LARGE1: variants seen among roughly 807,000 people sequenced by gnomAD.
LARGE1 encodes LARGE xylosyl- and glucuronyltransferase 1, also known as xylosyl- and glucuronyltransferase LARGE1.
Under a neutral mutation model 87.6 loss-of-function variants are expected in LARGE1, and 43 were observed. That is an observed-to-expected ratio of 0.49 (90% confidence interval 0.38 to 0.63). LARGE1 has a LOEUF of 0.63. Among genes scored for constraint, LARGE1 ranks in the 30% least tolerant of loss-of-function variants. The pLI, the probability that LARGE1 is intolerant of heterozygous loss-of-function variation, is 0.00. For synonymous variants in LARGE1, 434 were observed against 394.6 expected, an observed-to-expected ratio of 1.10 and a Z score of -1.18; for missense variants, 802 against 1,000.2, an observed-to-expected ratio of 0.80 and a Z score of 2.67.
At chr22:33,797,875 C>G (rs1340841918) in intron 1 of LARGE1, among the ~76,000 whole-genome samples, 1 of 152,232 alleles carries the variant, frequency 6.6e-6, no homozygotes, top group Non-Finnish European at 1.5e-5. Context: ...CCTCGCCTCA[C>G]TCCCATGTGG....
intron 1 of LARGE1, among the ~76,000 whole-genome samples, chr22:33,807,604 T>C (rs973339367): frequency 6.6e-6 from 1 of 152,222 alleles, no homozygotes; most frequent in Admixed American, 6.5e-5. Flanking sequence ...AATATGTAAT[T>C]ACACATATCA....
At chr22:33,386,654 A>G (rs943693760) in intron 7 of LARGE1, among the ~76,000 whole-genome samples, 1 of 148,902 alleles carries the variant, frequency 6.7e-6, no homozygotes, top group Non-Finnish European at 1.5e-5. Flanking sequence ...CACAGTGGAA[A>G]TTGTTCGCCA....
chr22:33,297,044 G>C (rs772490708), intron 12 of LARGE1, among the ~76,000 whole-genome samples: 3 of 152,186 alleles, frequency 2.0e-5, no homozygotes, highest in Non-Finnish European at 4.4e-5. Flanking sequence ...AGATACAGCA[G>C]AGTTAAGACA....
chr22:33,188,450 C>T (rs1044104257), intron 11 of LARGE1, among the ~76,000 whole-genome samples: 1 of 152,110 alleles, frequency 6.6e-6, no homozygotes, highest in African/African-American at 2.4e-5. Flanking sequence ...GGGCCTGCTG[C>T]AAATGCTACT....
chr22:33,833,104 A>G (rs1459095588), intron 1 of LARGE1, among the ~76,000 whole-genome samples: 1 of 152,186 alleles, frequency 6.6e-6, no homozygotes, highest in Non-Finnish European at 1.5e-5. Flanking sequence ...CACCAAGCAG[A>G]TGATGTCTCA....
chr22:33,319,340 G>A (rs1281083940), intron 10 of LARGE1, among the ~76,000 whole-genome samples: 1 of 152,176 alleles, frequency 6.6e-6, no homozygotes, highest in Non-Finnish European at 1.5e-5. Flanking sequence ...GGGCAGAGCA[G>A]CTCCTCCCCA....
At chr22:33,364,087 C>T (rs955589142) in intron 9 of LARGE1, among the ~76,000 whole-genome samples, 2 of 150,360 alleles carry the variant, frequency 1.3e-5, no homozygotes, top group Non-Finnish European at 3.0e-5. Context: ...CGGAGTCTCG[C>T]TCTGTCGCCC....
intron 11 of LARGE1, among the ~76,000 whole-genome samples, chr22:33,171,627 T>C (rs1272813007): frequency 6.6e-6 from 1 of 152,214 alleles, no homozygotes; most frequent in Non-Finnish European, 1.5e-5. Flanking sequence ...ATTCAGAGGA[T>C]GCAAGCCCCA....
At chr22:33,713,038 C>A (rs895225477) in intron 2 of LARGE1, among the ~76,000 whole-genome samples, 1 of 152,116 alleles carries the variant, frequency 6.6e-6, no homozygotes, top group African/African-American at 2.4e-5. Context: ...ATCTTGAGAG[C>A]AAAATCCCAT....
the LARGE1 span, among the ~76,000 whole-genome samples, chr22:33,098,799 G>A: frequency 1.9e-4 from 29 of 152,200 alleles, no homozygotes; most frequent in East Asian, 3.7e-3. Flanking sequence ...ACCCCACACC[G>A]CACCTTCTCC....
At chr22:33,306,423 G>A (rs1261705226) in intron 11 of LARGE1, among the ~76,000 whole-genome samples, 1 of 152,168 alleles carries the variant, frequency 6.6e-6, no homozygotes, top group Non-Finnish European at 1.5e-5. Context: ...GGCGGAAGGA[G>A]GGAGGTTTGG....
At chr22:33,710,193 G>GAA (rs3831699) in intron 2 of LARGE1, among the ~76,000 whole-genome samples, 7 of 141,044 alleles carry the variant, frequency 5.0e-5, no homozygotes, top group African/African-American at 1.8e-4. Context: ...CAAGGAGATT[G>GAA]AAAAAAAAAA....
intron 1 of LARGE1, among the ~76,000 whole-genome samples, chr22:33,777,691 A>C: frequency 7.9e-6 from 1 of 127,368 alleles, no homozygotes; most frequent in Non-Finnish European, 1.6e-5. Flanking sequence ...GAGAAGGGGA[A>C]GGGAAGGCAG....
At chr22:33,552,202 A>T (rs1270898187) in intron 6 of LARGE1, among the ~76,000 whole-genome samples, 1 of 152,186 alleles carries the variant, frequency 6.6e-6, no homozygotes, top group African/African-American at 2.4e-5. Context: ...CTGAGCAAGA[A>T]GAGACATCAT....
chr22:33,575,625 G>A (rs903491364), intron 5 of LARGE1, among the ~76,000 whole-genome samples: 20 of 152,152 alleles, frequency 1.3e-4, no homozygotes, highest in South Asian at 4.1e-4. Flanking sequence ...GCAATCTCCC[G>A]TAAGCATCAA....
chr22:33,407,375 T>G (rs2066139313), intron 7 of LARGE1, among the ~76,000 whole-genome samples: 1 of 152,240 alleles, frequency 6.6e-6, no homozygotes, highest in South Asian at 2.1e-4. Context: ...GTAAGAAGAC[T>G]CTGCTATTAT....
At chr22:33,754,183 G>A (rs941598225) in intron 2 of LARGE1, among the ~76,000 whole-genome samples, 1 of 152,128 alleles carries the variant, frequency 6.6e-6, no homozygotes, top group African/African-American at 2.4e-5. Flanking sequence ...CAGTCCCAAG[G>A]TAAGAACTAC....
chr22:33,203,089 C>G (rs146681116), intron 11 of LARGE1, among the ~76,000 whole-genome samples: 18,060 of 132,502 alleles, frequency 0.14, 1,141 homozygotes, highest in South Asian at 0.23. Flanking sequence ...CTCTCTCTCT[C>G]TCTCTCTCTC....
At chr22:33,182,117 C>T (rs991590164) in intron 11 of LARGE1, among the ~76,000 whole-genome samples, 2 of 152,070 alleles carry the variant, frequency 1.3e-5, no homozygotes, top group Admixed American at 6.6e-5. Context: ...CCACCGCACC[C>T]AACAGGGTAT....
Sources: allele counts gnomAD v4.1 joint callset (sites outside exome capture counted in the v4.1 genomes callset), GRCh38; gene constraint gnomAD v4.1.1; transcripts MANE v1.5; gene names NCBI Gene and HGNC (gene_info 2026-07-23, HGNC 2026-07-21).